The following CFAP91 variants were observed in gnomAD, a reference collection of about 807,000 sequenced individuals.
CFAP91 encodes cilia- and flagella-associated protein 91.
CFAP91 carries 85 observed loss-of-function variants against 95.9 expected under a neutral mutation model. The ratio of observed to expected loss-of-function variants is 0.89; its 90% confidence interval spans 0.74 to 1.06. The LOEUF (loss-of-function observed/expected upper bound fraction) is 1.06, where lower values mean the gene tolerates loss of function less well. Ranked by LOEUF, CFAP91 falls within the 50% of genes least tolerant of loss-of-function variation. The pLI, the probability that CFAP91 is intolerant of heterozygous loss-of-function variation, is 0.00. For synonymous variants in CFAP91, 335 were observed against 327.5 expected, an observed-to-expected ratio of 1.02 and a Z score of -0.25; for missense variants, 962 against 943.4, an observed-to-expected ratio of 1.02 and a Z score of -0.26.
chr3:119,736,222 C>G (rs2054000450), intron 10 of CFAP91, among the ~76,000 whole-genome samples: 2 of 151,654 alleles, frequency 1.3e-5, no homozygotes, highest in African/African-American at 2.4e-5. Flanking sequence ...TCCAATTCCC[C>G]CTTCCCCTCA....
chr3:119,759,654 A>G (rs2054497907), intron 17 of CFAP91, among the ~76,000 whole-genome samples: 1 of 152,030 alleles, frequency 6.6e-6, no homozygotes, highest in African/African-American at 2.4e-5. Context: ...TAAAAGACAA[A>G]ACTATTAAAA....
rs945128793 is a variant in CFAP91 at position 119,766,511 on chromosome 3, C to T, written c.*1461C>T. ...AGCTAGGTAAAGGTTATATCATTCA[C>T]TTTTGAAATAAACCATCGAGAACAC... On this transcript the variant is annotated 3_prime_UTR_variant, in exon 18 of 18. Coordinates refer to ENST00000273390, the MANE Select transcript of CFAP91 (RefSeq NM_033364.4). The T allele has an allele frequency of 1.3e-5, 2 of 152,050 alleles. No homozygotes were observed. Among genetic ancestry groups the T allele is most frequent in the Admixed American group, 6.6e-5 (1 of 15,260 alleles). The allele number at this position is 152,050 out of a possible 1,614,324, so 9.4% of individuals were successfully genotyped here.
At chr3:119,725,158 C>T (rs1297676493) in intron 6 of CFAP91, among the ~76,000 whole-genome samples, 1 of 152,206 alleles carries the variant, frequency 6.6e-6, no homozygotes, top group Non-Finnish European at 1.5e-5. Flanking sequence ...TTGTTCCAGC[C>T]TCCCTTTCCT....
At chr3:119,740,040 A>G (rs2054086609) in intron 12 of CFAP91, among the ~76,000 whole-genome samples, 1 of 152,252 alleles carries the variant, frequency 6.6e-6, no homozygotes, top group South Asian at 2.1e-4. Context: ...ATAACTCATA[A>G]GAGATTCAGA....
intron 5 of CFAP91, chr3:119,710,458 C>T (rs1307041403): frequency 6.6e-6 from 1 of 152,406 alleles, no homozygotes; most frequent in African/African-American, 2.4e-5. Context: ...GGCACTAATC[C>T]ATTGATGAGG....
chr3:119,706,785 G>A, intron 1 of CFAP91, 24 bp from the exon 2 acceptor site: 1 of 1,565,596 alleles, frequency 6.4e-7, no homozygotes, highest in Non-Finnish European at 8.8e-7. Context: ...TATCTGTTAT[G>A]CTACTTGATT....
chr3:119,760,518 A>G (rs1038117563), intron 17 of CFAP91, among the ~76,000 whole-genome samples: 2 of 151,810 alleles, frequency 1.3e-5, no homozygotes, highest in African/African-American at 4.8e-5. Context: ...GACTTACACT[A>G]CACCTTAGAC....
chr3:119,747,113 AG>A lies in CFAP91; in HGVS notation c.1903del, dbSNP rs776441996. 6.4e-7 allele frequency: 1 copy of A among 1,553,312 alleles called. No individual in the cohort carries two copies. The highest frequency in any genetic ancestry group is 2.3e-5 in the East Asian group (1 of 43,578). On this transcript the variant is annotated splice_acceptor_variant, in intron 14 of 17. Transcript: ENST00000273390. LOFTEE classifies it high-confidence loss of function. ...TAGTGAGGGTATTATTGTTTTTTGC[AG>A]GTGGTTAAAGTTCACCATAGTACTA...
intron 10 of CFAP91, among the ~76,000 whole-genome samples, chr3:119,734,571 AT>A (rs2053965194): frequency 6.6e-6 from 1 of 152,212 alleles, no homozygotes; most frequent in Admixed American, 6.6e-5. Context: ...TTGTAGTAAC[AT>A]TTATAATTGT....
At chr3:119,710,321 G>T (rs1250271434) in intron 5 of CFAP91, 1 of 159,740 alleles carries the variant, frequency 6.3e-6, no homozygotes, top group East Asian at 1.9e-4. Context: ...CCAATGGGCA[G>T]TCAGTGTCGG....
intron 6 of CFAP91, among the ~76,000 whole-genome samples, chr3:119,717,214 A>G (rs1577205665): frequency 6.6e-6 from 1 of 152,192 alleles, no homozygotes; most frequent in African/African-American, 2.4e-5. Flanking sequence ...TGCCTGCCCA[A>G]TAAAGATTAT....
At chr3:119,704,504 A>G (rs909723947) in intron 1 of CFAP91, among the ~76,000 whole-genome samples, 10 of 152,316 alleles carry the variant, frequency 6.6e-5, no homozygotes, top group Admixed American at 1.3e-4. Context: ...TAGGGTTGCC[A>G]CATTTAGCAA....
At chr3:119,742,092 A>T (rs1355584015) in intron 13 of CFAP91, among the ~76,000 whole-genome samples, 3 of 152,192 alleles carry the variant, frequency 2.0e-5, no homozygotes, top group Non-Finnish European at 4.4e-5. Flanking sequence ...GTTTCTGATC[A>T]TGACTTTAGT....
In CFAP91 at chr3:119,760,317, C is replaced by T. The variant is rs570947678; in HGVS notation, c.*2-4735C>T. On this transcript the variant is annotated intron_variant, in intron 17 of 17. Coordinates refer to ENST00000273390, the MANE Select transcript of CFAP91 (RefSeq NM_033364.4). ...GGTCATTGTGTGGTGATAAAGGGGT[C>T]GATTCATCAAGAGGCTTTAACAATT... is the stretch of plus-strand genomic sequence containing the variant. Among the ~76,000 whole-genome samples, 13 of 151,758 alleles carry T rather than the reference C, an allele frequency of 8.6e-5. No homozygotes were observed. The South Asian group carries it at 2.3e-3, about 27-fold the overall frequency.
rs191092901 is a variant in CFAP91 at position 119,720,801 on chromosome 3, C to G, written c.682+5058C>G. On this transcript the variant is annotated intron_variant, in intron 6 of 17. Coordinates refer to ENST00000273390, the MANE Select transcript of CFAP91 (RefSeq NM_033364.4). ...TGCGCAAGTCTCTTATGTAAAATGG[C>G]ATAGCATTTGCATATAACCTACACA... 2.1e-4 allele frequency among the ~76,000 whole-genome samples: 32 copies of G among 152,290 alleles called. No homozygotes were observed. In the East Asian group the frequency reaches 6.2e-3, roughly 29 times the overall value.
intron 12 of CFAP91, among the ~76,000 whole-genome samples, chr3:119,740,045 T>C (rs577542430): frequency 6.6e-6 from 1 of 152,348 alleles, no homozygotes; most frequent in East Asian, 1.9e-4. Context: ...TCATAAGAGA[T>C]TCAGATATGA....
intron 7 of CFAP91, among the ~76,000 whole-genome samples, chr3:119,726,663 A>G (rs751512846): frequency 2.0e-5 from 3 of 152,134 alleles, no homozygotes; most frequent in Admixed American, 6.5e-5. Context: ...TTTTCTCTTT[A>G]GTATCTATCT....
intron 17 of CFAP91, among the ~76,000 whole-genome samples, chr3:119,753,677 A>G (rs2054369440): frequency 1.3e-5 from 2 of 152,168 alleles, no homozygotes; most frequent in African/African-American, 2.4e-5. Context: ...TATTTTTTCC[A>G]TAAGTTATTG....
Position 119,737,496 on chromosome 3 carries a change from T to C in CFAP91, c.1461+14T>C, listed in dbSNP as rs2054033771. ...ATGACGTCCAATGTAAGTTGGAAAC[T>C]TTTTAGTTGAAATGCTAAATTCAAT... On this transcript the variant is annotated intron_variant, in intron 11 of 17. Transcript: ENST00000273390. The C allele has an allele frequency of 6.9e-7, 1 of 1,456,774 alleles. No homozygotes were observed. Among genetic ancestry groups the C allele is most frequent in the Non-Finnish European group, 9.5e-7 (1 of 1,049,030 alleles). 90.2% of individuals were successfully genotyped at this position (1,456,774 alleles called of 1,614,324 possible).
Sources: gnomAD v4.1 joint callset for allele counts (sites outside exome capture counted in the v4.1 genomes callset) on GRCh38, gnomAD v4.1.1 for gene constraint, MANE v1.5 for transcripts, NCBI Gene and HGNC (gene_info 2026-07-23, HGNC 2026-07-21) for gene names.